SYT16: variants seen among roughly 807,000 people sequenced by gnomAD.
SYT16 encodes synaptotagmin 16.
SYT16 carries 42 observed loss-of-function variants against 61.4 expected under a neutral mutation model. The ratio of observed to expected loss-of-function variants is 0.68; its 90% CI spans 0.53 to 0.89. The LOEUF (loss-of-function observed/expected upper bound fraction) is 0.89, where lower values mean the gene tolerates loss of function less well. SYT16 is among the 40% of genes least tolerant of loss of function. SYT16 has a pLI of 0.00. For missense variants in SYT16, 804 were observed against 807.3 expected, an observed-to-expected ratio of 1.00 and a Z score of 0.05; for synonymous variants, 314 against 302.3, an observed-to-expected ratio of 1.04 and a Z score of -0.40.
chr14:61,817,955 G>T (rs1428747041), intron 1 of SYT16, among the ~76,000 whole-genome samples: 1 of 152,174 alleles, frequency 6.6e-6, no homozygotes, highest in African/African-American at 2.4e-5. Flanking sequence ...GGAGTTCCTT[G>T]TGCTGTTCTT....
chr14:61,987,283 C>T (rs2052356027), intron 2 of SYT16, among the ~76,000 whole-genome samples: 1 of 152,110 alleles, frequency 6.6e-6, no homozygotes, highest in Non-Finnish European at 1.5e-5. Flanking sequence ...GCAAATAGCA[C>T]TTAAAGACAA....
At chr14:61,878,696 C>T (rs1219519055) in intron 1 of SYT16, among the ~76,000 whole-genome samples, 1 of 152,318 alleles carries the variant, frequency 6.6e-6, no homozygotes, top group Admixed American at 6.5e-5. Flanking sequence ...ACTTGCCTCT[C>T]TTCCTATCAC....
intron 3 of SYT16, among the ~76,000 whole-genome samples, chr14:62,017,526 C>G (rs774480266): frequency 2.6e-5 from 4 of 152,178 alleles, no homozygotes; most frequent in Non-Finnish European, 5.9e-5. Context: ...ATGCTTATCT[C>G]TAAATAGCAA....
At chr14:61,835,687 G>A (rs1192672396) in intron 1 of SYT16, among the ~76,000 whole-genome samples, 5 of 151,720 alleles carry the variant, frequency 3.3e-5, no homozygotes, top group African/African-American at 1.2e-4. Context: ...TTCTTCTTCT[G>A]GGTGCAGAAC....
At chr14:62,001,383 G>T (rs921117719) in intron 3 of SYT16, among the ~76,000 whole-genome samples, 8 of 151,998 alleles carry the variant, frequency 5.3e-5, no homozygotes, top group African/African-American at 1.7e-4. Flanking sequence ...TTGGTTGACA[G>T]TCATTTTCTT....
intron 1 of SYT16, 48 bp downstream of exon 1, chr14:61,812,858 T>C (rs1348534394): frequency 1.3e-5 from 2 of 151,964 alleles, no homozygotes; most frequent in Non-Finnish European, 2.9e-5. Flanking sequence ...GAGGCCGCGG[T>C]GCCCAGGGTG....
At chr14:62,082,682 G>A (rs1056578314) in intron 6 of SYT16, among the ~76,000 whole-genome samples, 7 of 152,128 alleles carry the variant, frequency 4.6e-5, no homozygotes, top group African/African-American at 9.7e-5. Flanking sequence ...AAAGCACATC[G>A]GAAATGATGG....
At chr14:61,973,329 G>GTAA (rs889545575) in intron 2 of SYT16, among the ~76,000 whole-genome samples, 1 of 152,090 alleles carries the variant, frequency 6.6e-6, no homozygotes, top group Non-Finnish European at 1.5e-5. Flanking sequence ...ATAGGTAATA[G>GTAA]TAATAATAAT....
intron 1 of SYT16, among the ~76,000 whole-genome samples, chr14:61,943,580 A>T (rs2050296896): frequency 6.6e-6 from 1 of 152,238 alleles, no homozygotes; most frequent in African/African-American, 2.4e-5. Context: ...GGTTCAACAT[A>T]TGCAAATCAA....
At chr14:61,867,993 A>G (rs908951057) in intron 1 of SYT16, among the ~76,000 whole-genome samples, 1 of 152,040 alleles carries the variant, frequency 6.6e-6, no homozygotes, top group Non-Finnish European at 1.5e-5. Flanking sequence ...TCAGTCTTGT[A>G]TTATTGGGAT....
rs554765065 is a variant in SYT16 at position 62,026,850 on chromosome 14, G to A, written c.523+30308G>A. Among the ~76,000 whole-genome samples, 16 of 152,164 alleles carry A rather than the reference G, an allele frequency of 1.1e-4. No homozygotes were observed. In the East Asian group the frequency reaches 3.1e-3, roughly 29 times the overall value. ...AGGTACTTTGACACTTTAAAATTAG[G>A]TGTCCTTTTTGCTTTTAAGAGATGA... is the stretch of plus-strand genomic sequence containing the variant. On this transcript the variant is annotated intron_variant, in intron 3 of 7. Coordinates refer to ENST00000683842, the MANE Select transcript of SYT16 (RefSeq NM_001367656.1).
At chr14:61,814,088 T>C (rs1179870715) in intron 1 of SYT16, among the ~76,000 whole-genome samples, 1 of 152,164 alleles carries the variant, frequency 6.6e-6, no homozygotes, top group Admixed American at 6.5e-5. Context: ...CAGGTGGCCT[T>C]CAGTAAATGG....
At chr14:61,915,031 C>A (rs1452663724) in intron 1 of SYT16, among the ~76,000 whole-genome samples, 1 of 152,142 alleles carries the variant, frequency 6.6e-6, no homozygotes, top group Non-Finnish European at 1.5e-5. Context: ...TAGTCTAGAA[C>A]AATTGCCCCT....
At chr14:61,826,056 T>A (rs1223000082) in intron 1 of SYT16, among the ~76,000 whole-genome samples, 2 of 152,174 alleles carry the variant, frequency 1.3e-5, no homozygotes, top group African/African-American at 2.4e-5. Context: ...TATGAATTTT[T>A]ATTTTATAAT....
At position 62,084,284 on chromosome 14, in the gene SYT16, A is replaced by G; in HGVS notation, c.1523A>G (p.Glu508Gly). The change falls in exon 7 of 8, where the codon GAG becomes GGG. Residue 508 changes from glutamate (E) to glycine (G), a missense_variant. Transcript: ENST00000683842. ...TCGCTGTCTCATGGAGGGGCGCCAG[A>G]GCTGTTGGTGGGGCTCTCGTACAAT... Reference protein sequence around the residue: ...TQSLSHGGAPELLVGLSYNAT... With the variant: ...TQSLSHGGAPGLLVGLSYNAT... The G allele has an allele frequency of 1.2e-6, 2 of 1,613,824 alleles. No homozygotes were observed. The highest frequency in any genetic ancestry group is 1.7e-6 in the Non-Finnish European group (2 of 1,179,836).
At position 62,100,495 on chromosome 14, in the gene SYT16, A is replaced by G. The variant is rs765443069; in HGVS notation, c.1726A>G (p.Thr576Ala). The G allele has an allele frequency of 3.1e-6, 5 of 1,613,560 alleles. No individual in the cohort carries two copies. In the South Asian group the frequency reaches 5.5e-5, roughly 18 times the overall value. ...TCAGCCCAATCCTGTCTATAAGGAG[A>G]CCTTTGTTTTCCAGGTGGCCCTCTT... The part of the protein sequence containing the change: ...RGQPNPVYKE[T>A]FVFQVALFQL... The change falls in exon 8 of 8, where the codon ACC becomes GCC. Residue 576 changes from threonine (T) to alanine (A), a missense_variant. Transcript: ENST00000683842.
intron 3 of SYT16, among the ~76,000 whole-genome samples, chr14:62,029,780 GAAA>G (rs35272199): frequency 6.9e-6 from 1 of 145,954 alleles, no homozygotes; most frequent in Admixed American, 6.8e-5. Context: ...AGTCTAGTTG[GAAA>G]AAAAAAAAAG....
rs1320093888 is a variant in SYT16 at position 62,069,633 on chromosome 14, C to T, written c.554C>T (p.Ser185Phe). Reference protein sequence around the residue: ...VNSFGDDEELSTSSDSDEEVI... With the variant: ...VNSFGDDEELFTSSDSDEEVI... ...AGCTTTGGGGATGACGAAGAGCTGT[C>T]CACATCTTCTGACAGTGACGAGGAG... Residue 185 changes from serine (S) to phenylalanine (F), a missense_variant, in exon 4 of 8, where the codon TCC becomes TTC. Coordinates refer to ENST00000683842, the MANE Select transcript of SYT16 (RefSeq NM_001367656.1). 1 of 1,613,926 alleles carries T rather than the reference C, an allele frequency of 6.2e-7. No homozygotes were observed. Among genetic ancestry groups the T allele is most frequent in the African/African-American group, 1.3e-5 (1 of 75,024 alleles).
At chr14:61,926,782 C>G (rs993940720) in intron 1 of SYT16, among the ~76,000 whole-genome samples, 4 of 152,110 alleles carry the variant, frequency 2.6e-5, no homozygotes, top group Admixed American at 2.6e-4. Flanking sequence ...TGTGTGGCCC[C>G]TCCCCCTCAC....
Sources: gnomAD v4.1 joint callset for allele counts (sites outside exome capture counted in the v4.1 genomes callset) on GRCh38, gnomAD v4.1.1 for gene constraint, MANE v1.5 for transcripts, NCBI Gene and HGNC (gene_info 2026-07-23, HGNC 2026-07-21) for gene names.